KITLG: variants seen among roughly 807,000 people sequenced by gnomAD.
KITLG encodes KIT ligand, also known as c-Kit ligand.
In KITLG, 13 loss-of-function variants were observed where a neutral mutation model predicts 34.1. That is an observed-to-expected ratio of 0.38 (90% confidence interval 0.25 to 0.61). The LOEUF is 0.61. KITLG is among the 20% of genes least tolerant of loss of function. KITLG has a pLI of 0.60. For synonymous variants in KITLG, 110 were observed against 104.0 expected (o/e 1.06, Z -0.35); for missense variants, 292 against 318.9 (o/e 0.92, Z 0.64).
chr12:88,544,959 T>A (rs1182149505), intron 2 of KITLG, among the ~76,000 whole-genome samples: 8 of 152,180 alleles, frequency 5.3e-5, no homozygotes, highest in African/African-American at 1.9e-4. Context: ...CGTTCTCTAG[T>A]CAGTATTTAA....
chr12:88,506,934 C>T (rs553956220), intron 7 of KITLG, 94 bp downstream of exon 7: 5 of 796,846 alleles, frequency 6.3e-6, no homozygotes, highest in African/African-American at 5.2e-5. Flanking sequence ...AGGTAGAATT[C>T]ACTGTTTTCT....
rs117130996 is a variant in KITLG, at chr12:88,546,729, T to A, written c.16-864A>T. Reference sequence around the variant, plus strand: ...AATCAGTGGTCAAGGTAAAAATATATCCTGATGCTCAAATTCAATAACCAT... The same window carrying A: ...AATCAGTGGTCAAGGTAAAAATATAACCTGATGCTCAAATTCAATAACCAT... On this transcript the variant is annotated intron_variant, in intron 1 of 9. Transcript: ENST00000644744. Among the ~76,000 whole-genome samples the A allele has an allele frequency of 7.4e-3, 1,129 of 152,276 alleles. 7 individuals are homozygous for A. Among genetic ancestry groups the A allele is most frequent in the Non-Finnish European group, 0.012 (805 of 68,030 alleles).
chr12:88,506,822 C>T (rs759690038), intron 7 of KITLG, among the ~76,000 whole-genome samples: 2 of 152,140 alleles, frequency 1.3e-5, no homozygotes, highest in Non-Finnish European at 2.9e-5. Flanking sequence ...AACACCAGTT[C>T]CTAATTCTTA....
At chr12:88,574,818 T>C (rs1871776877) in intron 1 of KITLG, among the ~76,000 whole-genome samples, 1 of 152,210 alleles carries the variant, frequency 6.6e-6, no homozygotes, top group Non-Finnish European at 1.5e-5. Flanking sequence ...GAATTCTTTT[T>C]CATAGAACTT....
At position 88,545,793 on chromosome 12, in the gene KITLG, T is replaced by G; in HGVS notation, c.88A>C (p.Arg30=). ...NPLVKTEGIC[R]NRVTNNVKDV... is the part of the protein sequence containing the mutation. ...TTTACATTATTAGTCACACGATTCC[T>G]GCAGATCCCTTCAGTTTTGACGAGA... The change falls in exon 2 of 10, where the codon AGG becomes CGG. Residue 30 remains arginine, a synonymous_variant. Transcript: ENST00000644744. The G allele has an allele frequency of 6.2e-7, 1 of 1,611,382 alleles. No homozygotes were observed. The highest frequency in any genetic ancestry group is 8.5e-7 in the Non-Finnish European group (1 of 1,177,624).
chr12:88,534,083 T>C (rs1870211949), intron 2 of KITLG, among the ~76,000 whole-genome samples: 1 of 152,142 alleles, frequency 6.6e-6, no homozygotes, highest in Non-Finnish European at 1.5e-5. Context: ...TTGGGCTGCA[T>C]TATTACAATT....
chr12:88,523,347 G>A lies in KITLG; in HGVS notation c.193-4480C>T, dbSNP rs774363453. On this transcript the variant is annotated intron_variant, in intron 3 of 9. Transcript: ENST00000644744. The stretch of plus-strand genomic sequence containing the variant: ...TTACATAACAAATTTACACAGAAAC[G>A]CGAGAAACCAGGACTCTCGATCACT... 5.9e-5 allele frequency among the ~76,000 whole-genome samples: 9 copies of A among 152,244 alleles called. No homozygotes were observed. In the East Asian group the frequency reaches 9.7e-4, roughly 16 times the overall value.
At chr12:88,546,209 T>A (rs890227114) in intron 1 of KITLG, among the ~76,000 whole-genome samples, 1 of 152,186 alleles carries the variant, frequency 6.6e-6, no homozygotes, top group Non-Finnish European at 1.5e-5. Context: ...ATAAAATGTA[T>A]ACCTTATGGC....
At chr12:88,536,924 G>A (rs750304541) in intron 2 of KITLG, among the ~76,000 whole-genome samples, 3 of 152,062 alleles carry the variant, frequency 2.0e-5, no homozygotes, top group East Asian at 1.9e-4. Context: ...CATGGCACGT[G>A]TATACCTATG....
intron 8 of KITLG, 65 bp from the exon 9 acceptor site, chr12:88,505,300 C>A: frequency 1.5e-6 from 2 of 1,310,096 alleles, no homozygotes; most frequent in Non-Finnish European, 2.2e-6. Context: ...ACACCATGAT[C>A]TCGGCATTGT....
At chr12:88,557,618 C>T (rs1490186170) in intron 1 of KITLG, among the ~76,000 whole-genome samples, 1 of 152,112 alleles carries the variant, frequency 6.6e-6, no homozygotes, top group African/African-American at 2.4e-5. Flanking sequence ...AAACTAAAAA[C>T]GCCATTTCTC....
chr12:88,497,319 G>T (rs1360337774), intron 9 of KITLG, 138 bp from the exon 10 acceptor site: 2 of 221,840 alleles, frequency 9.0e-6, no homozygotes, highest in East Asian at 1.4e-4. Context: ...TAGCAGAAAA[G>T]AACTTCATAA....
In KITLG at chr12:88,518,717, C is replaced by T. The variant is rs375568814; in HGVS notation, c.343G>A (p.Val115Met). Reference protein sequence around the residue: ...VNIVDDLVECVKENSSKDLKK... With the variant: ...VNIVDDLVECMKENSSKDLKK... ...GTTACCTTAGATGAGTTTTCTTTCA[C>T]GCACTCCACAAGGTCATCCACTATA... Residue 115 changes from valine (V) to methionine (M), a missense_variant, in exon 4 of 10, where the codon GTG (valine) becomes ATG (methionine). Around this residue, in one of 2 missense-constraint regions of KITLG, gnomAD observed 152 missense variants for 207.9 expected, o/e 0.73. Transcript: ENST00000644744. The T allele has an allele frequency of 1.7e-5, 28 of 1,612,822 alleles. No homozygotes were observed. Among genetic ancestry groups the T allele is most frequent in the East Asian group, 4.5e-5 (2 of 44,826 alleles).
intron 3 of KITLG, among the ~76,000 whole-genome samples, chr12:88,523,366 G>A (rs760461666): frequency 2.6e-5 from 4 of 152,114 alleles, no homozygotes; most frequent in Non-Finnish European, 4.4e-5. Flanking sequence ...CAGGACTCTC[G>A]ATCACTCATT....
rs111850315 is a variant in KITLG at position 88,546,003 on chromosome 12, G to T, written c.16-138C>A. The T allele has an allele frequency of 1.1e-4, 84 of 738,474 alleles. No individual in the cohort carries two copies. In the African/African-American group the frequency reaches 1.2e-3, roughly 11 times the overall value. 45.7% of individuals were successfully genotyped at this position (738,474 alleles called of 1,614,324 possible). Reference sequence around the variant, plus strand: ...TGGCTTAAATGCAATTAAATATTACGCATTCAAGCTATGCTCACCAAAGTT... The same window carrying T: ...TGGCTTAAATGCAATTAAATATTACTCATTCAAGCTATGCTCACCAAAGTT... On this transcript the variant is annotated intron_variant, in intron 1 of 9. Coordinates refer to ENST00000644744, the MANE Select transcript of KITLG (RefSeq NM_000899.5).
At chr12:88,528,492 C>T (rs1042098391) in intron 3 of KITLG, among the ~76,000 whole-genome samples, 16 of 151,162 alleles carry the variant, frequency 1.1e-4, no homozygotes, top group African/African-American at 3.9e-4. Flanking sequence ...AAAAGAAATG[C>T]AAAAAACAAA....
At chr12:88,543,011 C>G (rs2120905569) in intron 2 of KITLG, among the ~76,000 whole-genome samples, 1 of 152,216 alleles carries the variant, frequency 6.6e-6, no homozygotes, top group South Asian at 2.1e-4. Flanking sequence ...AGCAATTGCT[C>G]TTAAGCCTCC....
intron 9 of KITLG, among the ~76,000 whole-genome samples, chr12:88,500,404 C>T (rs952092703): frequency 6.6e-6 from 1 of 152,136 alleles, no homozygotes; most frequent in Non-Finnish European, 1.5e-5. Context: ...ACTCTGTAAA[C>T]TTTTAGTTCA....
Position 88,573,165 on chromosome 12 carries a change from C to A in KITLG, c.15+7099G>T, listed in dbSNP as rs373293969. On this transcript the variant is annotated intron_variant, in intron 1 of 9. Coordinates refer to ENST00000644744, the MANE Select transcript of KITLG (RefSeq NM_000899.5). ...AATTTTATATGAAAACATCTCTACC[C>A]TCCCTTCTTACCACTCCTCCATCTA... 3.9e-5 allele frequency among the ~76,000 whole-genome samples: 6 copies of A among 152,310 alleles called. No individual in the cohort carries two copies. In the East Asian group the frequency reaches 1.2e-3, roughly 29 times the overall value.
Sources: gnomAD v4.1 joint callset for allele counts (sites outside exome capture counted in the v4.1 genomes callset) on GRCh38, gnomAD v4.1.1 for gene constraint, gnomAD v4.1.1 regional missense constraint, MANE v1.5 for transcripts, NCBI Gene and HGNC (gene_info 2026-07-23, HGNC 2026-07-21) for gene names.